UPF3B: variants seen among roughly 807,000 people sequenced by gnomAD.
UPF3B encodes the protein regulator of nonsense transcripts 3B.
UPF3B carries 7 observed loss-of-function variants against 40.3 expected under a neutral mutation model. The observed-to-expected ratio is 0.17, with a 90% confidence interval of 0.10 to 0.33. The LOEUF is 0.33. UPF3B is among the 10% of genes least tolerant of loss of function. UPF3B has a pLI of 1.00. For synonymous variants in UPF3B, 117 were observed against 117.3 expected (o/e 1.00, Z 0.01); for missense variants, 229 against 358.9 (o/e 0.64, Z 2.93).
intron 7 of UPF3B, among the ~76,000 whole-genome samples, 159 bp downstream of exon 7, chrX:119,840,911 AACTAAT>A (rs1286185830): frequency 8.9e-6 from 1 of 111,956 alleles, no homozygotes; most frequent in Non-Finnish European, 1.9e-5. Flanking sequence ...TAAATTTAAA[AACTAAT>A]ACTATTACAG....
At chrX:119,827,562 A>G (rs973240698) in intron 3 of UPF3B, among the ~76,000 whole-genome samples, 3 of 108,678 alleles carry the variant, frequency 2.8e-5, no homozygotes, top group Non-Finnish European at 5.7e-5. Flanking sequence ...ACGCCCAGCT[A>G]ATTTTTGTAT....
chrX:119,851,680 G>T, intron 2 of UPF3B, 79 bp from the exon 3 acceptor site: 1 of 950,019 alleles, frequency 1.1e-6, no homozygotes, highest in Non-Finnish European at 1.5e-6. Flanking sequence ...TTAAAGACAA[G>T]CTCAAAAATC....
rs189901692 is a variant in UPF3B at position 119,823,630 on chromosome X, C to A, written c.393-587G>T. Among the ~76,000 whole-genome samples the A allele has an allele frequency of 4.7e-3, 416 of 88,796 alleles. 2 individuals are homozygous for A. The highest frequency in any genetic ancestry group is 0.017 in the African/African-American group (387 of 23,091). The allele number at this position is 88,796 out of a possible 115,157, so 77.1% of individuals were successfully genotyped here. On this transcript the variant is annotated intron_variant, in intron 3 of 6. Coordinates refer to the UPF3B transcript ENST00000636792. ...CCAGACTGGAGTACAGTGGTGTGAT[C>A]TCGGCTCACTGCAACTTCTGCCTCC... is the stretch of plus-strand genomic sequence containing the variant.
chrX:119,819,883 C>T (rs1399120446), intron 4 of UPF3B, among the ~76,000 whole-genome samples: 2 of 88,544 alleles, frequency 2.3e-5, no homozygotes, highest in African/African-American at 4.4e-5. Flanking sequence ...CTGGCTCTGT[C>T]GCCCAGGCAG....
In UPF3B at chrX:119,836,951, G is replaced by GT. The variant is rs1167379874; in HGVS notation, c.1302+805dup. Among the ~76,000 whole-genome samples the GT allele has an allele frequency of 1.2e-3, 109 of 87,239 alleles. 1 individual carries two copies. Among genetic ancestry groups the GT allele is most frequent in the African/African-American group, 2.3e-3 (54 of 23,675 alleles). The allele number at this position is 87,239 out of a possible 115,157, so 75.8% of individuals were successfully genotyped here. On this transcript the variant is annotated intron_variant, in intron 10 of 10. Transcript: ENST00000276201. ...AGGCGTGAGCCACCGCGCCCGGCCA[G>GT]TTTTTTTTTTGAGACTGAGTCTCGC...
intron 3 of UPF3B, among the ~76,000 whole-genome samples, chrX:119,846,312 C>A (rs1011085018): frequency 6.7e-5 from 7 of 103,967 alleles, no homozygotes; most frequent in Admixed American, 2.1e-4. Context: ...CCAGCCTGGG[C>A]GACAGAGTAA....
Position 119,841,183 on chromosome X carries a change from T to A in UPF3B, c.700A>T (p.Arg234Trp). The A allele has an allele frequency of 8.5e-7, 1 of 1,181,094 alleles. No homozygotes were observed. The highest frequency in any genetic ancestry group is 1.2e-6 in the Non-Finnish European group (1 of 868,764). Residue 234 changes from arginine to tryptophan, a missense_variant, in exon 7 of 11, where the codon AGG becomes TGG. Transcript: ENST00000276201. Reference sequence around the variant, plus strand: ...CGTTTCTCTTCTTCTTTCCATTTCCTCCTCTCTTCTTCTCTTTGTCTTTTT... The same window carrying A: ...CGTTTCTCTTCTTCTTTCCATTTCCACCTCTCTTCTTCTCTTTGTCTTTTT... ...ERKRQREEER[R>W]KWKEEEKRKR...
chrX:119,851,366 C>A, intron 3 of UPF3B, 129 bp downstream of exon 3: 2 of 504,953 alleles, frequency 4.0e-6, no homozygotes, highest in East Asian at 7.5e-5. Context: ...TGAAAAGTCA[C>A]GTCTATTTAT....
At chrX:119,840,554 A>T (rs2056148842) in intron 8 of UPF3B, 92 bp downstream of exon 8, 1 of 834,691 alleles carries the variant, frequency 1.2e-6, no homozygotes, top group Non-Finnish European at 1.7e-6. Flanking sequence ...AACAAGTAAC[A>T]CTACCACCAC....
chrX:119,851,438 T>C, intron 3 of UPF3B, 57 bp downstream of exon 3: 1 of 890,506 alleles, frequency 1.1e-6, no homozygotes, highest in Non-Finnish European at 1.7e-6. Flanking sequence ...GCACGAGTTG[T>C]CTTAAACATA....
chrX:119,821,569 C>T (rs771913479), intron 4 of UPF3B, among the ~76,000 whole-genome samples: 5 of 112,010 alleles, frequency 4.5e-5, no homozygotes, highest in South Asian at 3.7e-4. Context: ...AGGCTGAGGC[C>T]GGTGGATCAC....
downstream of UPF3B, among the ~76,000 whole-genome samples, chrX:119,833,638 C>T (rs745990745): frequency 8.9e-6 from 1 of 112,025 alleles, no homozygotes; most frequent in Non-Finnish European, 1.9e-5. Context: ...TCCCGAGTAG[C>T]TGGGATTACA....
chrX:119,850,060 TG>T (rs200538827), intron 3 of UPF3B, among the ~76,000 whole-genome samples: 96 of 56,775 alleles, frequency 1.7e-3, no homozygotes, highest in East Asian at 0.011. Context: ...GAGGCTGAGG[TG>T]GGGGGGGGGA....
intron 6 of UPF3B, 107 bp downstream of exon 6, chrX:119,841,628 A>G: frequency 2.5e-6 from 2 of 804,076 alleles, no homozygotes; most frequent in Non-Finnish European, 3.7e-6. Context: ...GTAATGGTGG[A>G]AAAAGCAGCT....
downstream of UPF3B, among the ~76,000 whole-genome samples, chrX:119,833,187 C>A (rs1258464844): frequency 8.9e-6 from 1 of 111,998 alleles, no homozygotes; most frequent in African/African-American, 3.2e-5. Context: ...AGGAGGTGCT[C>A]AAATATTGTT....
chrX:119,826,342 C>G (rs1201011875), intron 3 of UPF3B, among the ~76,000 whole-genome samples: 2 of 109,254 alleles, frequency 1.8e-5, no homozygotes, highest in Admixed American at 9.9e-5. Flanking sequence ...CTAGCCGGGC[C>G]TGGTGGTGCG....
intron 4 of UPF3B, among the ~76,000 whole-genome samples, chrX:119,844,188 T>C (rs1012088819): frequency 1.4e-4 from 15 of 110,734 alleles, no homozygotes; most frequent in African/African-American, 4.6e-4. Context: ...GCAGCTGGGA[T>C]TACAGGTGCC....
At chrX:119,819,416 A>G (rs898045446) in intron 4 of UPF3B, among the ~76,000 whole-genome samples, 3 of 110,987 alleles carry the variant, frequency 2.7e-5, no homozygotes, top group African/African-American at 9.8e-5. Flanking sequence ...TGCCCAGGAA[A>G]GCTTCACCAG....
At chrX:119,818,021 C>T (rs2055879692) in intron 4 of UPF3B, among the ~76,000 whole-genome samples, 1 of 111,858 alleles carries the variant, frequency 8.9e-6, no homozygotes, top group Non-Finnish European at 1.9e-5. Flanking sequence ...AATCCCAGCA[C>T]TTTGGGAGGC....
Sources: allele counts gnomAD v4.1 joint callset (sites outside exome capture counted in the v4.1 genomes callset), GRCh38; gene constraint gnomAD v4.1.1; transcripts MANE v1.5; gene names NCBI Gene and HGNC (gene_info 2026-07-23, HGNC 2026-07-21).